The following AGAP1 variants were observed in gnomAD, a reference collection of about 807,000 sequenced individuals.
The protein encoded by AGAP1 is ArfGAP with GTPase domain, ankyrin repeat and PH domain 1, also known as arf-GAP with GTPase, ANK repeat and PH domain-containing protein 1.
AGAP1 carries 29 observed loss-of-function variants against 105.3 expected under a neutral mutation model. The ratio of observed to expected loss-of-function variants is 0.28; its 90% CI spans 0.21 to 0.38. The LOEUF (loss-of-function observed/expected upper bound fraction) is 0.38. Ranked by LOEUF, AGAP1 falls within the 10% of genes least tolerant of loss-of-function variation. The pLI, the probability that AGAP1 is intolerant of heterozygous loss-of-function variation, is 1.00. For synonymous variants in AGAP1, 509 were observed against 485.9 expected (o/e 1.05, Z -0.63); for missense variants, 998 against 1,165.1 (o/e 0.86, Z 2.09).
chr2:235,910,286 G>GGGCAGTCCCTGAGCTGGTGACTTCC (rs2051537777), intron 11 of AGAP1, among the ~76,000 whole-genome samples: 1 of 7,686 alleles, frequency 1.3e-4, no homozygotes. Flanking sequence ...TGCCTGTGTT[G>GGGCAGTCCCTGAGCTGGTGACTTCC]CAGGGGGGCG....
In AGAP1 at chr2:236,038,760, A is replaced by G. The variant is rs77881947; in HGVS notation, c.1801-1991A>G. Among the ~76,000 whole-genome samples the G allele has an allele frequency of 1.7e-3, 263 of 152,104 alleles. 2 individuals are homozygous for G. The highest frequency in any genetic ancestry group is 5.5e-3 in the African/African-American group (228 of 41,516). On this transcript the variant is annotated intron_variant, in intron 14 of 17. Coordinates refer to ENST00000304032, the MANE Select transcript of AGAP1 (RefSeq NM_001037131.3). This position sits in a 1 kb window ranked among gnomAD's most constrained non-coding sequence, Gnocchi z 4.5. ...ATAGGCATAGCTAGACAGACAGACA[A>G]ACCAACCAACCACAGAAATGATACA...
rs1301524100 is a variant in AGAP1, at chr2:235,701,783, T to A, written c.164-7396T>A. On this transcript the variant is annotated intron_variant, in intron 1 of 17. Coordinates refer to ENST00000304032, the MANE Select transcript of AGAP1 (RefSeq NM_001037131.3). The surrounding 1 kb of genome is among the most constrained non-coding windows in gnomAD (Gnocchi z 4.1). ...TTGAAATGGATTTCTTTATTCTATTTAAGACTCCACTTCCTTCCTCGGCAC... is the reference window on the plus strand; with the variant it reads ...TTGAAATGGATTTCTTTATTCTATTAAAGACTCCACTTCCTTCCTCGGCAC... Among the ~76,000 whole-genome samples the A allele has an allele frequency of 6.6e-6, 1 of 152,164 alleles. No homozygotes were observed. Among genetic ancestry groups the A allele is most frequent in the Non-Finnish European group, 1.5e-5 (1 of 68,032 alleles).
At chr2:235,709,590 C>CCA (rs199773468) in intron 2 of AGAP1, among the ~76,000 whole-genome samples, 8 of 151,594 alleles carry the variant, frequency 5.3e-5, no homozygotes, top group Admixed American at 2.0e-4. Flanking sequence ...ACGGAAGGCT[C>CCA]CACACACACA....
intron 16 of AGAP1, among the ~76,000 whole-genome samples, chr2:236,111,633 G>C (rs1273124801): frequency 6.6e-6 from 1 of 151,592 alleles, no homozygotes; most frequent in Non-Finnish European, 1.5e-5. Flanking sequence ...TCTACAAAAA[G>C]TACAAAAAAT....
rs186697280 is a variant in AGAP1 at position 235,559,576 on chromosome 2, C to A, written c.163+64727C>A. On this transcript the variant is annotated intron_variant, in intron 1 of 17. Transcript: ENST00000304032. This position sits in a 1 kb window ranked among gnomAD's most constrained non-coding sequence, Gnocchi z 5.7. ...AAAGCTAAAGGATATCCCTCATGAT[C>A]CCTCATCCAGATCCCCAGACGTGAC... Among the ~76,000 whole-genome samples the A allele has an allele frequency of 1.6e-3, 238 of 152,280 alleles. No individual in the cohort carries two copies. Among genetic ancestry groups the A allele is most frequent in the African/African-American group, 5.3e-3 (222 of 41,564 alleles).
chr2:235,890,765 C>G (rs1469506394), intron 10 of AGAP1, among the ~76,000 whole-genome samples: 1 of 152,116 alleles, frequency 6.6e-6, no homozygotes, highest in African/African-American at 2.4e-5. Context: ...AATTCTTTCA[C>G]TGGGTAGGAA....
intron 1 of AGAP1, among the ~76,000 whole-genome samples, chr2:235,673,695 T>A (rs1355836038): frequency 1.3e-5 from 2 of 152,210 alleles, no homozygotes; most frequent in Non-Finnish European, 2.9e-5. Flanking sequence ...ATCGTAGACC[T>A]GCAACGTGAT....
chr2:235,940,491 G>A (rs1474538626), intron 12 of AGAP1, among the ~76,000 whole-genome samples: 5 of 152,250 alleles, frequency 3.3e-5, no homozygotes, highest in East Asian at 3.9e-4. Context: ...TCCAGCCGGC[G>A]GCTTTGCTGA....
chr2:236,044,951 G>C lies in AGAP1; in HGVS notation c.1892-4108G>C, dbSNP rs1019929095. 6.6e-5 allele frequency among the ~76,000 whole-genome samples: 10 copies of C among 152,222 alleles called. No individual in the cohort carries two copies. The highest frequency in any genetic ancestry group is 9.6e-5 in the African/African-American group (4 of 41,532). ...CAGCAGAAAGGGTAGGCTGCCTCTC[G>C]GGGCCTGTCCATGATTGCAGCAGTG... On this transcript the variant is annotated intron_variant, in intron 15 of 17. Coordinates refer to ENST00000304032, the MANE Select transcript of AGAP1 (RefSeq NM_001037131.3). This position sits in a 1 kb window ranked among gnomAD's most constrained non-coding sequence, Gnocchi z 5.7.
chr2:235,654,672 G>A (rs953109535), intron 1 of AGAP1, among the ~76,000 whole-genome samples: 1 of 152,050 alleles, frequency 6.6e-6, no homozygotes, highest in African/African-American at 2.4e-5. Context: ...TGGTCCCCCC[G>A]GCCACTTCTA....
intron 9 of AGAP1, among the ~76,000 whole-genome samples, chr2:235,817,285 T>A (rs1040392086): frequency 6.6e-6 from 1 of 151,980 alleles, no homozygotes; most frequent in African/African-American, 2.4e-5. Context: ...CCCTATGACA[T>A]GGTTCTGCTT....
At chr2:235,674,982 T>A (rs1405143228) in intron 1 of AGAP1, among the ~76,000 whole-genome samples, 1 of 151,398 alleles carries the variant, frequency 6.6e-6, no homozygotes, top group Admixed American at 6.6e-5. Flanking sequence ...GTGGTTTTTT[T>A]ATTTTATTAT....
In AGAP1 at chr2:235,901,880, G is replaced by GAA. The variant is rs57459227; in HGVS notation, c.1156-6844_1156-6843dup. Reference sequence around the variant, plus strand: ...GGCGACAGAGTGAGACTCCGTCTCGGAAAAAAAAAAAAAAATTATGGAGGG... The same window carrying GAA: ...GGCGACAGAGTGAGACTCCGTCTCGGAAAAAAAAAAAAAAAAATTATGGAGGG... On this transcript the variant is annotated intron_variant, in intron 10 of 17. Coordinates refer to ENST00000304032, the MANE Select transcript of AGAP1 (RefSeq NM_001037131.3). The surrounding 1 kb of genome is among the most constrained non-coding windows in gnomAD (Gnocchi z 4.3). Among the ~76,000 whole-genome samples, 1 of 145,886 alleles carries GAA rather than the reference G, an allele frequency of 6.9e-6. No homozygotes were observed. The highest frequency in any genetic ancestry group is 1.5e-5 in the Non-Finnish European group (1 of 66,346).
chr2:235,563,668 A>G (rs1324319526), intron 1 of AGAP1, among the ~76,000 whole-genome samples: 1 of 152,044 alleles, frequency 6.6e-6, no homozygotes, highest in Non-Finnish European at 1.5e-5. Context: ...TGTCTGGGTA[A>G]GTTCTAGGAA....
In AGAP1 at chr2:235,752,195, T is replaced by G. The variant is rs900322827; in HGVS notation, c.673+1707T>G. Among the ~76,000 whole-genome samples, 1 of 152,206 alleles carries G rather than the reference T, an allele frequency of 6.6e-6. No homozygotes were observed. Among genetic ancestry groups the G allele is most frequent in the African/African-American group, 2.4e-5 (1 of 41,440 alleles). On this transcript the variant is annotated intron_variant, in intron 6 of 17. Coordinates refer to ENST00000304032, the MANE Select transcript of AGAP1 (RefSeq NM_001037131.3). The surrounding 1 kb of genome is among the most constrained non-coding windows in gnomAD (Gnocchi z 4.3). ...ATAAATAGACTTTTCTTCTTTTTTT[T>G]GGAGACAGAGTCTAGCTCTTTGCCC...
chr2:235,669,201 C>T (rs1326268200), intron 1 of AGAP1, among the ~76,000 whole-genome samples: 2 of 152,174 alleles, frequency 1.3e-5, no homozygotes, highest in Non-Finnish European at 2.9e-5. Flanking sequence ...AGTCACATCT[C>T]TTTGTTCTTG....
chr2:235,788,556 C>T lies in AGAP1; in HGVS notation c.674-9203C>T, dbSNP rs368751469. ...AGGCAAGGTGGGGCGAGGAGAAGAG[C>T]GGGAGGGTAGGTGAGGCCGGGCAAG... On this transcript the variant is annotated intron_variant, in intron 6 of 17. Coordinates refer to ENST00000304032, the MANE Select transcript of AGAP1 (RefSeq NM_001037131.3). The surrounding 1 kb of genome is among the most constrained non-coding windows in gnomAD (Gnocchi z 6.0). Among the ~76,000 whole-genome samples, 10 of 150,356 alleles carry T rather than the reference C, an allele frequency of 6.7e-5. No homozygotes were observed. Among genetic ancestry groups the T allele is most frequent in the African/African-American group, 2.4e-4 (10 of 40,846 alleles).
intron 9 of AGAP1, among the ~76,000 whole-genome samples, chr2:235,859,028 A>G (rs2048802001): frequency 6.6e-6 from 1 of 152,246 alleles, no homozygotes; most frequent in African/African-American, 2.4e-5. Flanking sequence ...TGGGCAGCCA[A>G]TTTAGCACAG....
At chr2:235,643,678 C>T (rs907051758) in intron 1 of AGAP1, among the ~76,000 whole-genome samples, 1 of 150,900 alleles carries the variant, frequency 6.6e-6, no homozygotes, top group African/African-American at 2.4e-5. Context: ...TCTCCATCTG[C>T]AGGGGCCAAG....
Sources: allele counts gnomAD v4.1 joint callset (sites outside exome capture counted in the v4.1 genomes callset), GRCh38; gene constraint gnomAD v4.1.1; non-coding constraint Gnocchi (gnomAD v3.1); transcripts MANE v1.5; gene names NCBI Gene and HGNC (gene_info 2026-07-23, HGNC 2026-07-21).